Variants in CSMD1 observed in about 807,000 individuals in gnomAD.
CSMD1 encodes the protein CUB and Sushi multiple domains 1, also known as CUB and sushi domain-containing protein 1.
CSMD1 carries 213 observed loss-of-function variants against 417.5 expected under a neutral mutation model. That is an observed-to-expected ratio of 0.51 (90% CI 0.46 to 0.57). The LOEUF is 0.57. Among genes scored for constraint, CSMD1 ranks in the 20% least tolerant of loss-of-function variants. The pLI is 0.00. For missense variants in CSMD1, 6,923 were observed against 4,529.7 expected (o/e 1.53, Z -15.17); for synonymous variants, 2,862 against 1,736.8 (o/e 1.65, Z -16.11).
intron 7 of CSMD1, among the ~76,000 whole-genome samples, chr8:3,686,983 C>G (rs963434393): frequency 6.6e-6 from 1 of 152,158 alleles, no homozygotes. Flanking sequence ...CTTGTTCAAA[C>G]GTATCAGGAC....
intron 3 of CSMD1, among the ~76,000 whole-genome samples, chr8:4,174,090 G>A (rs2656283): frequency 0.17 from 26,441 of 152,148 alleles, 2,528 homozygotes; most frequent in East Asian, 0.29. Context: ...ATCAACATCA[G>A]GGAGACTCAC....
Position 3,118,396 on chromosome 8 carries a change from T to C in CSMD1, c.6430+3A>G. On this transcript the variant is annotated splice_donor_region_variant and intron_variant, in intron 42 of 69. Transcript: ENST00000635120. ...TCGCCCCCATGCAAAGTGATGAACT[T>C]ACCATCACATCTTGGAAAAGGGTAG... 1.2e-6 allele frequency: 2 copies of C among 1,608,174 alleles called. No individual in the cohort carries two copies. The highest frequency in any genetic ancestry group is 2.2e-5 in the East Asian group (1 of 44,846).
chr8:4,354,910 T>G (rs1454107901), intron 3 of CSMD1, among the ~76,000 whole-genome samples: 1 of 72,424 alleles, frequency 1.4e-5, no homozygotes, highest in Non-Finnish European at 3.4e-5. Context: ...GTGTGTGTGT[T>G]AAATATTTGA....
chr8:4,847,685 GAT>G (rs950992447), intron 1 of CSMD1, among the ~76,000 whole-genome samples: 2 of 151,590 alleles, frequency 1.3e-5, no homozygotes, highest in African/African-American at 4.8e-5. Context: ...CAATGACTAT[GAT>G]AGTTTCCTGA....
At chr8:3,249,244 T>C (rs1800097896) in intron 26 of CSMD1, among the ~76,000 whole-genome samples, 1 of 152,088 alleles carries the variant, frequency 6.6e-6, no homozygotes, top group African/African-American at 2.4e-5. Flanking sequence ...GTTATTGAGA[T>C]AGAGACTCAC....
intron 5 of CSMD1, among the ~76,000 whole-genome samples, chr8:3,927,033 T>G (rs1194635583): frequency 2.0e-5 from 3 of 151,952 alleles, no homozygotes; most frequent in African/African-American, 7.2e-5. Context: ...TCTTTAAAAG[T>G]ACTTTTTGTG....
chr8:3,265,322 T>A lies in CSMD1; in HGVS notation c.4153+18822A>T, dbSNP rs74355490. Among the ~76,000 whole-genome samples the A allele has an allele frequency of 2.7e-3, 418 of 152,256 alleles. 2 individuals carry two copies. The highest frequency in any genetic ancestry group is 9.7e-3 in the African/African-American group (401 of 41,534). On this transcript the variant is annotated intron_variant, in intron 26 of 69. Coordinates refer to ENST00000635120, the MANE Select transcript of CSMD1 (RefSeq NM_033225.6). ...GGTAAACGCAGAAATCAGTGCGAAGTATGTATGACCTGTGCACGCACGATA... is the reference window on the plus strand; with the variant it reads ...GGTAAACGCAGAAATCAGTGCGAAGAATGTATGACCTGTGCACGCACGATA...
At chr8:4,870,919 T>C (rs1802700001) in intron 1 of CSMD1, among the ~76,000 whole-genome samples, 1 of 152,148 alleles carries the variant, frequency 6.6e-6, no homozygotes, top group South Asian at 2.1e-4. Context: ...GAGCCAGGTA[T>C]CACACACTGC....
intron 7 of CSMD1, among the ~76,000 whole-genome samples, chr8:3,629,507 A>G (rs527706698): frequency 1.3e-5 from 2 of 152,330 alleles, no homozygotes; most frequent in Admixed American, 1.3e-4. Context: ...TGCTCAATAA[A>G]GACAACGTTA....
At chr8:3,310,079 A>G (rs1805204709) in intron 23 of CSMD1, among the ~76,000 whole-genome samples, 1 of 152,210 alleles carries the variant, frequency 6.6e-6, no homozygotes, top group Non-Finnish European at 1.5e-5. Context: ...TGCAAAACAA[A>G]GGGATATGCT....
intron 1 of CSMD1, among the ~76,000 whole-genome samples, chr8:4,702,224 G>C (rs1807606135): frequency 6.6e-6 from 1 of 152,006 alleles, no homozygotes; most frequent in East Asian, 1.9e-4. Context: ...TTTACCTTTG[G>C]AACAAACCTG....
At chr8:3,953,959 G>A (rs538406437) in intron 5 of CSMD1, among the ~76,000 whole-genome samples, 2 of 152,322 alleles carry the variant, frequency 1.3e-5, no homozygotes, top group Admixed American at 6.5e-5. Context: ...GCCTTAGGCT[G>A]GGAGCGCACA....
chr8:3,716,241 G>A (rs1585123800), intron 6 of CSMD1, among the ~76,000 whole-genome samples: 1 of 152,118 alleles, frequency 6.6e-6, no homozygotes, highest in Non-Finnish European at 1.5e-5. Flanking sequence ...TCCTGATCCA[G>A]ACCCCAAGAG....
At chr8:3,538,204 C>CA (rs113058282) in intron 10 of CSMD1, among the ~76,000 whole-genome samples, 5,931 of 152,302 alleles carry the variant, frequency 0.039, 336 homozygotes, top group African/African-American at 0.12. Context: ...TTCATTCCCA[C>CA]TAGCACCATC....
chr8:3,082,678 A>G (rs1814191942), intron 49 of CSMD1, among the ~76,000 whole-genome samples: 1 of 152,228 alleles, frequency 6.6e-6, no homozygotes, highest in Admixed American at 6.5e-5. Flanking sequence ...ACCCACAGCA[A>G]CAACCTTAAT....
chr8:4,653,357 C>T (rs917771953), intron 1 of CSMD1, among the ~76,000 whole-genome samples: 4 of 152,114 alleles, frequency 2.6e-5, no homozygotes, highest in African/African-American at 9.7e-5. Context: ...TCATGGCTAT[C>T]TTTCCGTGCT....
At chr8:4,444,395 G>A (rs1224439979) in intron 2 of CSMD1, among the ~76,000 whole-genome samples, 1 of 143,444 alleles carries the variant, frequency 7.0e-6, no homozygotes, top group Non-Finnish European at 1.5e-5. Flanking sequence ...TCTTGGAGTA[G>A]GTCATGCTGA....
rs145418849 is a variant in CSMD1, at chr8:4,737,711, T to C, written c.86-100153A>G. ...AAATCATTTAATTCGGCTGCTGAAGTACCTAAGCAATAGGTAATGGCTTAA... is the reference window on the plus strand; with the variant it reads ...AAATCATTTAATTCGGCTGCTGAAGCACCTAAGCAATAGGTAATGGCTTAA... On this transcript the variant is annotated intron_variant, in intron 1 of 69. Coordinates refer to ENST00000635120, the MANE Select transcript of CSMD1 (RefSeq NM_033225.6). Among the ~76,000 whole-genome samples the C allele has an allele frequency of 2.7e-3, 408 of 152,310 alleles. 4 individuals are homozygous for C. The highest frequency in any genetic ancestry group is 9.5e-3 in the African/African-American group (395 of 41,562).
chr8:3,406,399 T>C (rs1432361567), intron 14 of CSMD1, among the ~76,000 whole-genome samples, 178 bp from the exon 15 acceptor site: 2 of 152,184 alleles, frequency 1.3e-5, no homozygotes, highest in East Asian at 1.9e-4. Context: ...TATCAGTGTC[T>C]AGTGAGAAAG....
Sources: gnomAD v4.1 joint callset for allele counts (sites outside exome capture counted in the v4.1 genomes callset) on GRCh38, gnomAD v4.1.1 for gene constraint, MANE v1.5 for transcripts, NCBI Gene and HGNC (gene_info 2026-07-23, HGNC 2026-07-21) for gene names.